IL15RA: variants seen among roughly 807,000 people sequenced by gnomAD.
IL15RA encodes the protein interleukin 15 receptor subunit alpha, also known as interleukin-15 receptor subunit alpha.
Under a neutral mutation model 24.2 loss-of-function variants are expected in IL15RA, and 26 were observed. The ratio of observed to expected loss-of-function variants is 1.07; its 90% CI spans 0.79 to 1.49. The LOEUF is 1.49. IL15RA is among the 40% of genes most tolerant of loss of function. The pLI is 0.00. For synonymous variants in IL15RA, 166 were observed against 157.6 expected (o/e 1.05, Z -0.40); for missense variants, 354 against 356.4 (o/e 0.99, Z 0.05).
rs1437641601 is a variant in IL15RA at position 5,961,699 on chromosome 10, C to T, written c.383-1132G>A. On this transcript the variant is annotated intron_variant, in intron 3 of 6. Coordinates refer to ENST00000379977, the MANE Select transcript of IL15RA (RefSeq NM_002189.4). The surrounding 1 kb of genome is among the most constrained non-coding windows in gnomAD (Gnocchi z 5.2). The stretch of plus-strand genomic sequence containing the variant: ...CTTGTCCTTCCCTGGAAGGTGGCTG[C>T]CCCTGCACTGTAAGGGTGTGGCGTA... Among the ~76,000 whole-genome samples, 1 of 152,236 alleles carries T rather than the reference C, an allele frequency of 6.6e-6. No homozygotes were observed. The highest frequency in any genetic ancestry group is 1.5e-5 in the Non-Finnish European group (1 of 68,044).
intron 6 of IL15RA, among the ~76,000 whole-genome samples, chr10:5,954,788 C>T (rs41294041): frequency 1.3e-5 from 2 of 152,006 alleles, no homozygotes; most frequent in Non-Finnish European, 2.9e-5. Flanking sequence ...GAATATAACT[C>T]CAAATTCAGC....
rs1480393723 is a variant in IL15RA, at chr10:5,966,323, G to C, written c.105C>G (p.Pro35=). ...TGTCTGCGTGTTCCACGGACATGGG[G>C]GGAGGGCACGTGATGCCTGCGAAAG... ...PPATRGITCP[P]PMSVEHADIW... The change falls in exon 2 of 7, where the codon CCC becomes CCG. Residue 35 remains proline, a synonymous_variant. Transcript: ENST00000379977. The surrounding 1 kb of genome is among the most constrained non-coding windows in gnomAD (Gnocchi z 6.4). The C allele has an allele frequency of 1.2e-6, 2 of 1,608,622 alleles. No individual in the cohort carries two copies. Among genetic ancestry groups the C allele is most frequent in the African/African-American group, 1.3e-5 (1 of 74,842 alleles).
Position 5,959,852 on chromosome 10 carries a change from A to AG in IL15RA, c.584-67dup. 1 of 1,511,194 alleles carries AG rather than the reference A, an allele frequency of 6.6e-7. No individual in the cohort carries two copies. Among genetic ancestry groups the AG allele is most frequent in the South Asian group, 1.1e-5 (1 of 87,772 alleles). The allele number at this position is 1,511,194 out of a possible 1,614,324, so 93.6% of individuals were successfully genotyped here. On this transcript the variant is annotated intron_variant, in intron 4 of 6. Transcript: ENST00000379977. The surrounding 1 kb of genome is among the most constrained non-coding windows in gnomAD (Gnocchi z 4.1). Reference sequence around the variant, plus strand: ...AGGTCCTAGTTCCTCATGAAGCAGGAGAAAATCTGCATGGCTTGGCTCCCA... The same window carrying AG: ...AGGTCCTAGTTCCTCATGAAGCAGGAGGAAAATCTGCATGGCTTGGCTCCCA...
intron 1 of IL15RA, among the ~76,000 whole-genome samples, chr10:5,976,237 A>C (rs1018850533): frequency 4.8e-5 from 7 of 145,764 alleles, no homozygotes; most frequent in Non-Finnish European, 9.0e-5. Context: ...TCAGAGTCTC[A>C]TGAAAACGAA....
chr10:5,957,175 A>G (rs933185357), intron 5 of IL15RA, among the ~76,000 whole-genome samples: 2 of 151,122 alleles, frequency 1.3e-5, no homozygotes, highest in East Asian at 3.9e-4. Flanking sequence ...TGGCCAGGCT[A>G]GTCTCAAACT....
At chr10:5,952,042 C>G (rs1833911403), downstream of IL15RA, among the ~76,000 whole-genome samples, 1 of 152,108 alleles carries the variant, frequency 6.6e-6, no homozygotes, top group Non-Finnish European at 1.5e-5. Context: ...TCCTCAATTT[C>G]TCATCTATAA....
At chr10:5,969,063 CATCGATCTATGTGTCTGT>C (rs1837117709) in intron 1 of IL15RA, 3 of 1,163,004 alleles carry the variant, frequency 2.6e-6, no homozygotes, top group African/African-American at 3.0e-5. Context: ...CAATCGATTC[CATCGATCTATGTGTCTGT>C]TTGTTTTGAC....
downstream of IL15RA, among the ~76,000 whole-genome samples, chr10:5,951,878 T>C (rs1231872585): frequency 6.6e-6 from 1 of 152,150 alleles, no homozygotes; most frequent in Non-Finnish European, 1.5e-5. Flanking sequence ...CAGGGTGTTC[T>C]TGAACTCCTG....
rs1837495249 is a variant in IL15RA at position 5,970,868 on chromosome 10, C to T, written c.89-4529G>A. Among the ~76,000 whole-genome samples the T allele has an allele frequency of 1.3e-5, 2 of 152,010 alleles. No homozygotes were observed. Among genetic ancestry groups the T allele is most frequent in the African/African-American group, 4.8e-5 (2 of 41,376 alleles). ...CTCAAACTCCTGGCCTTAAGCAATC[C>T]TCCTGCCTCAGCCTCCCGAGTAGCT... On this transcript the variant is annotated intron_variant, in intron 1 of 6. Transcript: ENST00000379977. This position sits in a 1 kb window ranked among gnomAD's most constrained non-coding sequence, Gnocchi z 4.1.
chr10:5,953,171 G>T lies in IL15RA; in HGVS notation c.728C>A (p.Ala243Asp), dbSNP rs1834036870. ...TPPLASVEME[A>D]MEALPVTWGT... ...CCAAGTCACCGGCAGAGCCTCCATG[G>T]CTTCCATTTCAACGCTGGCCAGCGG... The change falls in exon 7 of 7, where the codon GCC (alanine) becomes GAC (aspartate). Residue 243 changes from alanine (A) to aspartate (D), a missense_variant. Physicochemically the swap from Ala to Asp is moderately radical, Grantham distance 126. Coordinates refer to ENST00000379977, the MANE Select transcript of IL15RA (RefSeq NM_002189.4). This position sits in a 1 kb window ranked among gnomAD's most constrained non-coding sequence, Gnocchi z 5.3. 1 of 1,614,202 alleles carries T rather than the reference G, an allele frequency of 6.2e-7. No individual in the cohort carries two copies. The highest frequency in any genetic ancestry group is 8.5e-7 in the Non-Finnish European group (1 of 1,180,010).
chr10:5,954,596 G>A (rs1834271147), intron 6 of IL15RA, among the ~76,000 whole-genome samples: 1 of 152,022 alleles, frequency 6.6e-6, no homozygotes, highest in Non-Finnish European at 1.5e-5. Context: ...ACCCAACTGA[G>A]ATATCTTTCA....
rs8177704 is a variant in IL15RA, at chr10:5,960,686, C to T, written c.383-119G>A. ...TCACCCTGACCAGCCCTCCCTCTCTCACAGCCAACTGCTCCTTGAGAGGGT... is the reference window on the plus strand; with the variant it reads ...TCACCCTGACCAGCCCTCCCTCTCTTACAGCCAACTGCTCCTTGAGAGGGT... On this transcript the variant is annotated intron_variant, in intron 3 of 6. Transcript: ENST00000379977. The surrounding 1 kb of genome is among the most constrained non-coding windows in gnomAD (Gnocchi z 5.1). The T allele has an allele frequency of 4.1e-4, 322 of 783,660 alleles. No individual in the cohort carries two copies. In the African/African-American group the frequency reaches 4.9e-3, roughly 12 times the overall value. The allele number at this position is 783,660 out of a possible 1,614,324, so 48.5% of individuals were successfully genotyped here.
At position 5,963,269 on chromosome 10, in the gene IL15RA, A is replaced by G. The variant is rs988454576; in HGVS notation, c.382+474T>C. Among the ~76,000 whole-genome samples, 1 of 152,182 alleles carries G rather than the reference A, an allele frequency of 6.6e-6. No homozygotes were observed. The highest frequency in any genetic ancestry group is 6.5e-5 in the Admixed American group (1 of 15,282). ...TCCTCTCCCACAGTGCAGCCCGCTG[A>G]GTGGACAGGCATCTGTTCAGGCCCA... On this transcript the variant is annotated intron_variant, in intron 3 of 6. Coordinates refer to ENST00000379977, the MANE Select transcript of IL15RA (RefSeq NM_002189.4). The surrounding 1 kb of genome is among the most constrained non-coding windows in gnomAD (Gnocchi z 5.3).
At position 5,953,013 on chromosome 10, in the gene IL15RA, C is replaced by T. The variant is rs1834017454; in HGVS notation, c.*82G>A. ...TGAGCTTGCTCCTGGAGCCCGCTTCCTTGCACCTCTTCTCAGTCGTCTTTA... is the reference window on the plus strand; with the variant it reads ...TGAGCTTGCTCCTGGAGCCCGCTTCTTTGCACCTCTTCTCAGTCGTCTTTA... On this transcript the variant is annotated 3_prime_UTR_variant, in exon 7 of 7. Coordinates refer to ENST00000379977, the MANE Select transcript of IL15RA (RefSeq NM_002189.4). This position sits in a 1 kb window ranked among gnomAD's most constrained non-coding sequence, Gnocchi z 5.3. 3 of 1,050,130 alleles carry T rather than the reference C, an allele frequency of 2.9e-6. No homozygotes were observed. The highest frequency in any genetic ancestry group is 4.4e-6 in the Non-Finnish European group (3 of 680,186). The allele number at this position is 1,050,130 out of a possible 1,614,324, so 65.1% of individuals were successfully genotyped here. A position where few individuals can be genotyped will look rare whatever the true frequency, so the allele number is the denominator to read the frequency against.
In IL15RA at chr10:5,958,157, C is replaced by T. The variant is rs1333617016; in HGVS notation, c.616+1597G>A. The T allele has an allele frequency of 3.2e-6, 1 of 316,986 alleles. No individual in the cohort carries two copies. The highest frequency in any genetic ancestry group is 2.2e-5 in the African/African-American group (1 of 46,238). The allele number at this position is 316,986 out of a possible 1,614,324, so 19.6% of individuals were successfully genotyped here. ...TTCCATACAGTGGAATATTCTGTAG[C>T]TGTTAAAAACGATGAGATGGTTTTT... is the stretch of plus-strand genomic sequence containing the variant. On this transcript the variant is annotated intron_variant, in intron 5 of 6. Coordinates refer to ENST00000379977, the MANE Select transcript of IL15RA (RefSeq NM_002189.4). The surrounding 1 kb of genome is among the most constrained non-coding windows in gnomAD (Gnocchi z 4.3).
rs556266468 is a variant in IL15RA, at chr10:5,955,213, T to C, written c.692+1166A>G. On this transcript the variant is annotated intron_variant, in intron 6 of 6. Coordinates refer to ENST00000379977, the MANE Select transcript of IL15RA (RefSeq NM_002189.4). The surrounding 1 kb of genome is among the most constrained non-coding windows in gnomAD (Gnocchi z 5.3). ...CTCCCTGGTTCAAGCAATTCTCCTG[T>C]CTCAGCCTCCCTAGTAGCTGGCATT... is the stretch of plus-strand genomic sequence containing the variant. 2.0e-5 allele frequency among the ~76,000 whole-genome samples: 3 copies of C among 151,930 alleles called. No individual in the cohort carries two copies. In the East Asian group the frequency reaches 5.8e-4, roughly 29 times the overall value.
Position 5,965,682 on chromosome 10 carries a change from C to T in IL15RA, c.283+463G>A, listed in dbSNP as rs553579388. On this transcript the variant is annotated intron_variant, in intron 2 of 6. Transcript: ENST00000379977. This position sits in a 1 kb window ranked among gnomAD's most constrained non-coding sequence, Gnocchi z 5.8. ...GACCCCAGCACCTGTGTGTTTCCAA[C>T]GCCAGGAGCTGTTGCTGAGGATCAC... 3.3e-5 allele frequency among the ~76,000 whole-genome samples: 5 copies of T among 152,216 alleles called. No individual in the cohort carries two copies. The highest frequency in any genetic ancestry group is 7.2e-5 in the African/African-American group (3 of 41,452).
chr10:5,957,750 C>T (rs781404242), intron 5 of IL15RA, among the ~76,000 whole-genome samples: 1 of 152,072 alleles, frequency 6.6e-6, no homozygotes, highest in Non-Finnish European at 1.5e-5. Context: ...TGCCACCACA[C>T]CTGGCTAATT....
intron 6 of IL15RA, 47 bp downstream of exon 6, chr10:5,956,332 C>T: frequency 6.7e-7 from 1 of 1,489,476 alleles, no homozygotes; most frequent in Non-Finnish European, 9.4e-7. Context: ...GCTCTTTTCT[C>T]ATGGGGAAGT....
Sources: gnomAD v4.1 joint callset for allele counts (sites outside exome capture counted in the v4.1 genomes callset) on GRCh38, gnomAD v4.1.1 for gene constraint, Gnocchi (gnomAD v3.1) non-coding constraint, MANE v1.5 for transcripts, NCBI Gene and HGNC (gene_info 2026-07-23, HGNC 2026-07-21) for gene names.